The following STT3B variants were observed in gnomAD, a reference collection of about 807,000 sequenced individuals.
The protein encoded by STT3B is STT3 oligosaccharyltransferase complex catalytic subunit B.
STT3B carries 29 observed loss-of-function variants against 96.8 expected under a neutral mutation model. The observed-to-expected ratio is 0.30, with a 90% CI of 0.22 to 0.41. STT3B has a LOEUF of 0.41. STT3B is among the 10% of genes least tolerant of loss of function. STT3B has a pLI of 1.00. For synonymous variants in STT3B, 367 were observed against 360.0 expected, an observed-to-expected ratio of 1.02 and a Z score of -0.22; for missense variants, 640 against 1,022.3, an observed-to-expected ratio of 0.63 and a Z score of 5.10.
At chr3:31,610,795 A>G (rs1699164356) in intron 5 of STT3B, among the ~76,000 whole-genome samples, 1 of 152,180 alleles carries the variant, frequency 6.6e-6, no homozygotes. Context: ...ATGTGTGTGT[A>G]TATGTATATA....
intron 2 of STT3B, among the ~76,000 whole-genome samples, chr3:31,578,812 A>T (rs1356012284): frequency 6.6e-6 from 1 of 150,796 alleles, no homozygotes; most frequent in Non-Finnish European, 1.5e-5. Flanking sequence ...TAGGCAGTTA[A>T]TAAATAGAAA....
chr3:31,605,378 G>T (rs886294060), intron 5 of STT3B, among the ~76,000 whole-genome samples: 6 of 151,910 alleles, frequency 3.9e-5, no homozygotes, highest in Non-Finnish European at 8.8e-5. Context: ...ATATGGTTTG[G>T]CTGTGTCCCC....
intron 1 of STT3B, among the ~76,000 whole-genome samples, chr3:31,549,305 C>A (rs1697493464): frequency 6.7e-6 from 1 of 149,180 alleles, no homozygotes; most frequent in African/African-American, 2.4e-5. Context: ...TTGATAGCAT[C>A]CCCCCTGATT....
At chr3:31,599,343 G>A (rs1372366928) in intron 4 of STT3B, among the ~76,000 whole-genome samples, 1 of 152,094 alleles carries the variant, frequency 6.6e-6, no homozygotes, top group African/African-American at 2.4e-5. Flanking sequence ...GTTGTACTTA[G>A]CAATATCAAA....
intron 3 of STT3B, among the ~76,000 whole-genome samples, chr3:31,582,610 T>C (rs1380363119): frequency 6.6e-6 from 1 of 151,998 alleles, no homozygotes; most frequent in Non-Finnish European, 1.5e-5. Context: ...GTTCTTTTTC[T>C]AGTTCACAAC....
intron 1 of STT3B, among the ~76,000 whole-genome samples, chr3:31,541,429 A>G (rs1480492493): frequency 6.7e-6 from 1 of 149,464 alleles, no homozygotes; most frequent in Admixed American, 6.6e-5. Flanking sequence ...TAAACTTCAG[A>G]TAAATGGAAT....
chr3:31,602,599 C>G (rs533519847), intron 5 of STT3B, among the ~76,000 whole-genome samples: 1 of 151,194 alleles, frequency 6.6e-6, no homozygotes, highest in East Asian at 2.0e-4. Flanking sequence ...CCCCTTTAAC[C>G]TTAGCACCAA....
In STT3B at chr3:31,550,552, G is replaced by T. The variant is rs1311047362; in HGVS notation, c.314+17240G>T. ...AGTCTTTCCCTTCAGAGTTAACCTAGTAAAAAAAGTTATTCTCATATATCA... is the reference window on the plus strand; with the variant it reads ...AGTCTTTCCCTTCAGAGTTAACCTATTAAAAAAAGTTATTCTCATATATCA... On this transcript the variant is annotated intron_variant, in intron 1 of 15. Coordinates refer to ENST00000295770, the MANE Select transcript of STT3B (RefSeq NM_178862.3). Among the ~76,000 whole-genome samples, 4 of 152,266 alleles carry T rather than the reference G, an allele frequency of 2.6e-5. No individual in the cohort carries two copies. In the East Asian group the frequency reaches 7.7e-4, roughly 29 times the overall value.
rs1379874591 is a variant in STT3B at position 31,532,988 on chromosome 3, C to A, written c.-11C>A. ...GGAGGAGGAGAGCTAGACCCGCCGC[C>A]GGGGCACAACATGGCGGAGCCCTCG... On this transcript the variant is annotated 5_prime_UTR_variant, in exon 1 of 16. Transcript: ENST00000295770. The A allele has an allele frequency of 1.3e-6, 2 of 1,583,926 alleles. No individual in the cohort carries two copies. Among genetic ancestry groups the A allele is most frequent in the Non-Finnish European group, 1.7e-6 (2 of 1,166,932 alleles).
At chr3:31,631,518 T>G (rs1699665668) in intron 14 of STT3B, among the ~76,000 whole-genome samples, 1 of 152,240 alleles carries the variant, frequency 6.6e-6, no homozygotes, top group Non-Finnish European at 1.5e-5. Flanking sequence ...GTTCCCAGCA[T>G]ACATTCATTT....
At position 31,621,987 on chromosome 3, in the gene STT3B, T is replaced by C. The variant is rs918338427; in HGVS notation, c.1328-110T>C. 7 of 732,676 alleles carry C rather than the reference T, an allele frequency of 9.6e-6. No homozygotes were observed. The East Asian group carries it at 1.8e-4, about 18-fold the overall frequency. 45.4% of individuals were successfully genotyped at this position (732,676 alleles called of 1,614,324 possible). ...ATCAATTTAGAAACAATTAGATCGT[T>C]TGTGAGACATTTATATAATTCCAGG... On this transcript the variant is annotated intron_variant, in intron 9 of 15. Transcript: ENST00000295770.
chr3:31,616,007 ATTG>A (rs889421217), intron 6 of STT3B, among the ~76,000 whole-genome samples: 1 of 151,916 alleles, frequency 6.6e-6, no homozygotes, highest in Non-Finnish European at 1.5e-5. Flanking sequence ...GGGAGAAAAG[ATTG>A]TTATCTCTAA....
chr3:31,615,080 C>G (rs776583437), intron 5 of STT3B, 25 bp from the exon 6 acceptor site: 1 of 1,444,500 alleles, frequency 6.9e-7, no homozygotes. Flanking sequence ...GTAAATTATC[C>G]TTGTTTCCTA....
chr3:31,624,596 T>A (rs985312341), intron 11 of STT3B, among the ~76,000 whole-genome samples: 1 of 152,048 alleles, frequency 6.6e-6, no homozygotes, highest in Admixed American at 6.5e-5. Context: ...GGCTTTCAAC[T>A]ACTCTTTCAC....
At position 31,619,851 on chromosome 3, in the gene STT3B, A is replaced by C. The variant is rs78207676; in HGVS notation, c.1327+21A>C. 4.5e-3 allele frequency: 7,204 copies of C among 1,591,516 alleles called. 254 individuals carry two copies. In the African/African-American group the frequency reaches 0.084, roughly 19 times the overall value. ...ATTTGGTAAGAGAGGTTTTTAATGA[A>C]TACTTTGATATGGAATAGTTATTTT... On this transcript the variant is annotated intron_variant, in intron 9 of 15. Transcript: ENST00000295770.
chr3:31,616,876 A>T, intron 6 of STT3B, 53 bp from the exon 7 acceptor site: 1 of 1,508,568 alleles, frequency 6.6e-7, no homozygotes, highest in Non-Finnish European at 9.0e-7. Context: ...GAAAGTTTTT[A>T]AATGACCTTG....
chr3:31,546,994 C>A (rs1031105498), intron 1 of STT3B, among the ~76,000 whole-genome samples: 2 of 152,198 alleles, frequency 1.3e-5, no homozygotes, highest in African/African-American at 4.8e-5. Flanking sequence ...TGATGCTTTG[C>A]TCAACCTACC....
At chr3:31,560,097 G>T in intron 1 of STT3B, among the ~76,000 whole-genome samples, 1 of 152,008 alleles carries the variant, frequency 6.6e-6, no homozygotes, top group East Asian at 1.9e-4. Flanking sequence ...TAAGTTTCTT[G>T]TAGGCAGCAT....
chr3:31,542,227 A>G (rs796785672), intron 1 of STT3B, among the ~76,000 whole-genome samples: 2 of 152,324 alleles, frequency 1.3e-5, no homozygotes, highest in African/African-American at 4.8e-5. Context: ...TTTGTCAACT[A>G]TTAAAGTATT....
Sources: gnomAD v4.1 joint callset for allele counts (sites outside exome capture counted in the v4.1 genomes callset) on GRCh38, gnomAD v4.1.1 for gene constraint, MANE v1.5 for transcripts, NCBI Gene and HGNC (gene_info 2026-07-23, HGNC 2026-07-21) for gene names.